The following SLC26A7 variants were observed in gnomAD, a reference collection of about 807,000 sequenced individuals.
SLC26A7 encodes the protein anion exchange transporter.
In SLC26A7, 59 loss-of-function variants were observed where a neutral mutation model predicts 82.5. The observed-to-expected ratio is 0.72, with a 90% confidence interval of 0.58 to 0.89. The LOEUF (loss-of-function observed/expected upper bound fraction) is 0.89. Ranked by LOEUF, SLC26A7 falls within the 40% of genes least tolerant of loss-of-function variation. The pLI is 0.00. For synonymous variants in SLC26A7, 271 were observed against 274.3 expected (o/e 0.99, Z 0.12); for missense variants, 820 against 793.0 (o/e 1.03, Z -0.41).
chr8:91,252,851 A>G (rs1467573109), intron 2 of SLC26A7, among the ~76,000 whole-genome samples: 1 of 152,112 alleles, frequency 6.6e-6, no homozygotes, highest in Non-Finnish European at 1.5e-5. Flanking sequence ...TGTAAAAGTC[A>G]TGTATGATCC....
chr8:91,279,053 C>T (rs1260324523), intron 2 of SLC26A7, among the ~76,000 whole-genome samples: 1 of 146,412 alleles, frequency 6.8e-6, no homozygotes, highest in Non-Finnish European at 1.5e-5. Context: ...TCAAATTCAT[C>T]TACAATGTCA....
At chr8:91,247,256 A>G (rs1810557526), upstream of SLC26A7, among the ~76,000 whole-genome samples, 1 of 152,230 alleles carries the variant, frequency 6.6e-6, no homozygotes, top group South Asian at 2.1e-4. Flanking sequence ...GTATTATCCC[A>G]GATGTTTAGG....
chr8:91,235,301 A>T (rs1810379484), intron 2 of SLC26A7, among the ~76,000 whole-genome samples: 1 of 152,220 alleles, frequency 6.6e-6, no homozygotes, highest in Non-Finnish European at 1.5e-5. Flanking sequence ...AGTCCTAAAA[A>T]TAAACAGCAA....
At chr8:91,234,419 T>C (rs1810357826) in intron 2 of SLC26A7, among the ~76,000 whole-genome samples, 1 of 152,108 alleles carries the variant, frequency 6.6e-6, no homozygotes, top group African/African-American at 2.4e-5. Context: ...AGTTAGCCAT[T>C]ACTAAAGCAA....
chr8:91,218,293 A>G (rs1810092010), intron 1 of SLC26A7, among the ~76,000 whole-genome samples: 1 of 152,138 alleles, frequency 6.6e-6, no homozygotes, highest in South Asian at 2.1e-4. Context: ...TATTTCAAAC[A>G]TAAATGGTCA....
intron 1 of SLC26A7, among the ~76,000 whole-genome samples, chr8:91,213,389 T>C (rs1809972463): frequency 6.6e-6 from 1 of 152,190 alleles, no homozygotes; most frequent in Non-Finnish European, 1.5e-5. Context: ...CAAATCCCAA[T>C]GTATGGTTAC....
rs577900259 is a variant in SLC26A7 at position 91,264,143 on chromosome 8, C to T, written c.193+14299C>T. Among the ~76,000 whole-genome samples the T allele has an allele frequency of 5.9e-5, 9 of 152,132 alleles. 1 individual carries two copies. Among genetic ancestry groups the T allele is most frequent in the African/African-American group, 1.9e-4 (8 of 41,520 alleles). On this transcript the variant is annotated intron_variant, in intron 2 of 18. Coordinates refer to ENST00000276609, the MANE Select transcript of SLC26A7 (RefSeq NM_052832.4). The stretch of plus-strand genomic sequence containing the variant: ...TTAGTGCCAGATGCATTGGGCTTTG[C>T]GCTGCAAGACCAAGTAAAATAACAT...
At chr8:91,375,724 C>A (rs562892826) in intron 15 of SLC26A7, among the ~76,000 whole-genome samples, 113 of 146,430 alleles carry the variant, frequency 7.7e-4, no homozygotes, top group African/African-American at 2.5e-3. Flanking sequence ...GTGATGTCTT[C>A]TTCTACAGTA....
intron 11 of SLC26A7, among the ~76,000 whole-genome samples, chr8:91,361,655 G>A (rs909961418): frequency 6.6e-6 from 1 of 152,040 alleles, no homozygotes; most frequent in Admixed American, 6.6e-5. Flanking sequence ...ACAATATCTT[G>A]TTGCAAATTA....
chr8:91,221,745 C>T (rs776980066), intron 2 of SLC26A7, among the ~76,000 whole-genome samples: 14 of 152,066 alleles, frequency 9.2e-5, no homozygotes, highest in Non-Finnish European at 1.8e-4. Flanking sequence ...TGTTTTGGTA[C>T]CAGTACAATG....
chr8:91,224,804 G>T (rs1011242387), intron 2 of SLC26A7, among the ~76,000 whole-genome samples: 3 of 152,184 alleles, frequency 2.0e-5, no homozygotes, highest in Admixed American at 6.5e-5. Context: ...TAAGTCTGCT[G>T]GTCCTTAGAG....
chr8:91,259,452 T>G (rs1376405205), intron 2 of SLC26A7, among the ~76,000 whole-genome samples: 1 of 152,056 alleles, frequency 6.6e-6, no homozygotes, highest in Non-Finnish European at 1.5e-5. Flanking sequence ...AACAAGGTAT[T>G]TAATATAAAA....
intron 2 of SLC26A7, among the ~76,000 whole-genome samples, chr8:91,238,486 T>C (rs1810421833): frequency 6.6e-6 from 1 of 150,996 alleles, no homozygotes; most frequent in South Asian, 2.1e-4. Flanking sequence ...ATTCACTTTT[T>C]TGTGCATTAT....
intron 11 of SLC26A7, among the ~76,000 whole-genome samples, chr8:91,361,905 T>C (rs1814060506): frequency 6.6e-6 from 1 of 152,146 alleles, no homozygotes; most frequent in Non-Finnish European, 1.5e-5. Flanking sequence ...CTGAGCCTTA[T>C]GTATTAATAA....
chr8:91,237,196 T>C (rs2130680980), intron 2 of SLC26A7, among the ~76,000 whole-genome samples: 1 of 152,342 alleles, frequency 6.6e-6, no homozygotes, highest in South Asian at 2.1e-4. Context: ...TTTAAATTTG[T>C]GTGTCTGATA....
chr8:91,314,630 A>G (rs1477093478), intron 4 of SLC26A7, among the ~76,000 whole-genome samples: 2 of 152,116 alleles, frequency 1.3e-5, no homozygotes, highest in East Asian at 1.9e-4. Context: ...GTTAAACCTC[A>G]TATGTTTTTA....
chr8:91,308,564 A>G lies in SLC26A7; in HGVS notation c.478-9652A>G, dbSNP rs114374771. Among the ~76,000 whole-genome samples the G allele has an allele frequency of 8.1e-3, 1,234 of 152,076 alleles. 12 individuals carry two copies. The highest frequency in any genetic ancestry group is 0.027 in the African/African-American group (1,118 of 41,464). On this transcript the variant is annotated intron_variant, in intron 4 of 18. Transcript: ENST00000276609. ...GTTACTCTATTTTCTCCCTTTCCAT[A>G]CTGTATTCTGTGGAAATAAGTCATT... is the stretch of plus-strand genomic sequence containing the variant.
At chr8:91,212,801 C>A (rs1441904308) in intron 1 of SLC26A7, among the ~76,000 whole-genome samples, 1 of 151,946 alleles carries the variant, frequency 6.6e-6, no homozygotes, top group Non-Finnish European at 1.5e-5. Context: ...TTCTAAACAG[C>A]CATGAAAGTC....
At chr8:91,226,371 A>T (rs1416275849) in intron 2 of SLC26A7, among the ~76,000 whole-genome samples, 1 of 152,226 alleles carries the variant, frequency 6.6e-6, no homozygotes, top group African/African-American at 2.4e-5. Flanking sequence ...TGGAGATTTT[A>T]GAAGCTTTAT....
Sources: allele counts gnomAD v4.1 joint callset (sites outside exome capture counted in the v4.1 genomes callset), GRCh38; gene constraint gnomAD v4.1.1; transcripts MANE v1.5; gene names NCBI Gene and HGNC (gene_info 2026-07-23, HGNC 2026-07-21).